Variants in FCGR2A observed in about 807,000 individuals in gnomAD.
The protein encoded by FCGR2A is low affinity immunoglobulin gamma Fc region receptor II-a.
Under a neutral mutation model 29.3 loss-of-function variants are expected in FCGR2A, and 18 were observed. The ratio of observed to expected loss-of-function variants is 0.62; its 90% CI spans 0.43 to 0.91. The LOEUF (loss-of-function observed/expected upper bound fraction) is 0.91, where lower values mean the gene tolerates loss of function less well. FCGR2A is among the 40% of genes least tolerant of loss of function. The probability of loss-of-function intolerance (pLI) is 0.00; values close to 1 mark genes in which losing one functional copy is unlikely to be tolerated. For synonymous variants in FCGR2A, 126 were observed against 144.8 expected, an observed-to-expected ratio of 0.87 and a Z score of 0.93; for missense variants, 287 against 393.0, an observed-to-expected ratio of 0.73 and a Z score of 2.28.
At chr1:161,508,915 C>A (rs1205964511) in intron 3 of FCGR2A, among the ~76,000 whole-genome samples, 1 of 152,190 alleles carries the variant, frequency 6.6e-6, no homozygotes, top group Non-Finnish European at 1.5e-5. Flanking sequence ...GAATTCAAGT[C>A]ATGCCTTTTT....
downstream of FCGR2A, among the ~76,000 whole-genome samples, chr1:161,521,129 G>A (rs773371251): frequency 3.5e-4 from 52 of 149,630 alleles, no homozygotes; most frequent in Admixed American, 1.1e-3. Flanking sequence ...TACTCTTAAT[G>A]TCCCTTTCCT....
intron 3 of FCGR2A, among the ~76,000 whole-genome samples, chr1:161,507,233 T>C (rs1675474182): frequency 1.3e-5 from 2 of 152,192 alleles, no homozygotes; most frequent in Admixed American, 6.5e-5. Flanking sequence ...TATTTCTTTT[T>C]TTTTTCCCCC....
At chr1:161,506,684 G>C in intron 3 of FCGR2A, 93 bp downstream of exon 3, 1 of 1,573,572 alleles carries the variant, frequency 6.4e-7, no homozygotes, top group Non-Finnish European at 8.7e-7. Context: ...AGTGGGCGTG[G>C]ACTGCTTACT....
intron 6 of FCGR2A, chr1:161,514,726 A>G (rs1299202445): frequency 6.5e-6 from 1 of 152,722 alleles, no homozygotes; most frequent in Non-Finnish European, 1.4e-5. Flanking sequence ...TCTGTTTCCA[A>G]CAGGAACTAT....
At chr1:161,513,002 G>A (rs12057388) in intron 5 of FCGR2A, among the ~76,000 whole-genome samples, 41 of 148,906 alleles carry the variant, frequency 2.8e-4, no homozygotes, top group African/African-American at 9.2e-4. Flanking sequence ...AAATCCTTTC[G>A]CAAAAGGCAA....
chr1:161,510,080 G>C lies in FCGR2A; in HGVS notation c.619+6G>C, dbSNP rs55919520. The C allele has an allele frequency of 6.2e-4, 996 of 1,612,856 alleles. 4 individuals are homozygous for C. In the African/African-American group the frequency reaches 6.2e-3, roughly 10 times the overall value. ...TGTGACCATCACTGTCCAAGGTATG[G>C]GGAGTCTGCCAAGATGTAGGGAGGG... On this transcript the variant is annotated splice_donor_region_variant and intron_variant, in intron 4 of 6. Coordinates refer to ENST00000271450, the MANE Select transcript of FCGR2A (RefSeq NM_001136219.3).
At chr1:161,506,744 CTT>C in intron 3 of FCGR2A, 153 bp downstream of exon 3, 1 of 1,374,172 alleles carries the variant, frequency 7.3e-7, no homozygotes. Context: ...CACCCACCCT[CTT>C]TGCTTAGCAT....
At position 161,506,438 on chromosome 1, in the gene FCGR2A, G is replaced by A. The variant is rs1193462464; in HGVS notation, c.211G>A (p.Asp71Asn). The change falls in exon 3 of 7, where the codon GAC (aspartate) becomes AAC (asparagine). Residue 71 changes from aspartate to asparagine, a missense_variant. Asp to Asn is a conservative substitution (Grantham distance 23). Around this residue, in one of 3 missense-constraint regions of FCGR2A, gnomAD observed 181 missense variants for 250.9 expected, o/e 0.72. Coordinates refer to ENST00000271450, the MANE Select transcript of FCGR2A (RefSeq NM_001136219.3). Reference sequence around the variant, plus strand: ...CCAGGGGGCTCGCAGCCCTGAGAGCGACTCCATTCAGTGGTTCCACAATGG... The same window carrying A: ...CCAGGGGGCTCGCAGCCCTGAGAGCAACTCCATTCAGTGGTTCCACAATGG... The part of the protein sequence containing the change: ...TCQGARSPES[D>N]SIQWFHNGNL... The A allele has an allele frequency of 6.8e-6, 11 of 1,614,190 alleles. No individual in the cohort carries two copies. The highest frequency in any genetic ancestry group is 1.3e-5 in the African/African-American group (1 of 75,040).
At chr1:161,511,558 C>G (rs1478936080) in intron 5 of FCGR2A, among the ~76,000 whole-genome samples, 2 of 152,180 alleles carry the variant, frequency 1.3e-5, no homozygotes, top group Non-Finnish European at 2.9e-5. Flanking sequence ...CCTGGGCGTC[C>G]CCATGGGTGA....
At position 161,518,508 on chromosome 1, in the gene FCGR2A, C is replaced by T. The variant is rs575555728; in HGVS notation, c.*360C>T. ...AACAATTATGTAATTGAAAACCAAC[C>T]GATTGCCTTTATTTTGCTTCCACAT... On this transcript the variant is annotated 3_prime_UTR_variant, in exon 7 of 7. Coordinates refer to ENST00000271450, the MANE Select transcript of FCGR2A (RefSeq NM_001136219.3). 7.3e-5 allele frequency: 20 copies of T among 275,354 alleles called. No homozygotes were observed. The South Asian group carries it at 7.9e-4, about 11-fold the overall frequency. 17.1% of individuals were successfully genotyped at this position (275,354 alleles called of 1,614,324 possible). A position where few individuals can be genotyped will look rare whatever the true frequency, so the allele number is the denominator to read the frequency against.
At chr1:161,512,475 G>C (rs1236673515) in intron 5 of FCGR2A, among the ~76,000 whole-genome samples, 1 of 149,234 alleles carries the variant, frequency 6.7e-6, no homozygotes, top group Non-Finnish European at 1.5e-5. Context: ...GAGCAAGTCA[G>C]TCTCCCTGAT....
rs780754483 is a variant in FCGR2A, at chr1:161,506,320, A to C, written c.107-14A>C. 2 of 1,613,200 alleles carry C rather than the reference A, an allele frequency of 1.2e-6. No homozygotes were observed. The highest frequency in any genetic ancestry group is 1.7e-6 in the Non-Finnish European group (2 of 1,179,812). ...GGTTATTTATTCCACACCCCTTTCC[A>C]CTCTGCCCCTCAGCAGCTCCCCCAA... On this transcript the variant is annotated splice_polypyrimidine_tract_variant and intron_variant, in intron 2 of 6. Transcript: ENST00000271450.
chr1:161,519,609 A>C lies in FCGR2A; in HGVS notation c.*1461A>C, dbSNP rs1189941913. On this transcript the variant is annotated 3_prime_UTR_variant, in exon 7 of 7. Coordinates refer to ENST00000271450, the MANE Select transcript of FCGR2A (RefSeq NM_001136219.3). ...TTCAGGGCTGTATTGATTGGGGTGT[A>C]GACTGAACTATCCGGGGTCTGTTTC... is the stretch of plus-strand genomic sequence containing the variant. The C allele has an allele frequency of 2.0e-5, 3 of 152,110 alleles. No individual in the cohort carries two copies. The highest frequency in any genetic ancestry group is 7.3e-5 in the African/African-American group (3 of 41,374). 9.4% of individuals were successfully genotyped at this position (152,110 alleles called of 1,614,324 possible).
rs377335493 is a variant in FCGR2A, at chr1:161,510,850, C to G, written c.636C>G (p.Ser212Arg). The change falls in exon 5 of 7, where the codon AGC becomes AGG. Residue 212 changes from serine (S) to arginine (R), a missense_variant. Ser to Arg is a moderately radical substitution (Grantham distance 110). Around this residue, in one of 3 missense-constraint regions of FCGR2A, gnomAD observed 72 missense variants for 68.6 expected, o/e 1.05. Coordinates refer to ENST00000271450, the MANE Select transcript of FCGR2A (RefSeq NM_001136219.3). ...TITVQVPSMG[S>R]SSPMGIIVAV... ...CTTCCCTAGTGCCCAGCATGGGCAG[C>G]TCTTCACCAATGGGGATCATTGTGG... 58 of 1,614,078 alleles carry G rather than the reference C, an allele frequency of 3.6e-5. No homozygotes were observed. The highest frequency in any genetic ancestry group is 4.5e-5 in the Non-Finnish European group (53 of 1,180,024).
intron 5 of FCGR2A, among the ~76,000 whole-genome samples, chr1:161,512,730 T>C (rs4657042): frequency 0.83 from 125,099 of 151,462 alleles, 51,727 homozygotes; most frequent in African/African-American, 0.96. Context: ...GAGTATGATT[T>C]AGAGCAGAGC....
chr1:161,516,124 T>C (rs1676131112), intron 6 of FCGR2A, among the ~76,000 whole-genome samples: 1 of 152,060 alleles, frequency 6.6e-6, no homozygotes, highest in African/African-American at 2.4e-5. Flanking sequence ...CTATACAATT[T>C]GTCAAAAAAA....
At chr1:161,514,369 A>G (rs1185883435) in intron 6 of FCGR2A, among the ~76,000 whole-genome samples, 2 of 150,192 alleles carry the variant, frequency 1.3e-5, no homozygotes, top group Non-Finnish European at 3.0e-5. Context: ...TGTCATTAAA[A>G]CATTAGACCT....
intron 4 of FCGR2A, chr1:161,510,280 A>T: frequency 1.1e-6 from 1 of 880,462 alleles, no homozygotes; most frequent in Non-Finnish European, 1.7e-6. Flanking sequence ...GGTAATAGGT[A>T]GTCAGGCTGT....
At chr1:161,510,301 T>G (rs1675685956) in intron 4 of FCGR2A, 1 of 776,534 alleles carries the variant, frequency 1.3e-6, no homozygotes, top group Non-Finnish European at 2.1e-6. Flanking sequence ...TGTTTCACTT[T>G]GAAATGTAGG....
Sources: gnomAD v4.1 joint callset for allele counts (sites outside exome capture counted in the v4.1 genomes callset) on GRCh38, gnomAD v4.1.1 for gene constraint, gnomAD v4.1.1 regional missense constraint, MANE v1.5 for transcripts, NCBI Gene and HGNC (gene_info 2026-07-23, HGNC 2026-07-21) for gene names.